The following NUAK1 variants were observed in gnomAD, a reference collection of about 807,000 sequenced individuals.
NUAK1 encodes NUAK family SNF1-like kinase 1.
In NUAK1, 26 loss-of-function variants were observed where a neutral mutation model predicts 56.9. The observed-to-expected ratio is 0.46, with a 90% CI of 0.33 to 0.63. The LOEUF is 0.63. Among genes scored for constraint, NUAK1 ranks in the 30% least tolerant of loss-of-function variants. The probability of loss-of-function intolerance (pLI) is 0.02; values close to 1 mark genes in which losing one functional copy is unlikely to be tolerated. For synonymous variants in NUAK1, 337 were observed against 336.0 expected, an observed-to-expected ratio of 1.00 and a Z score of -0.03; for missense variants, 727 against 876.1, an observed-to-expected ratio of 0.83 and a Z score of 2.15.
intron 2 of NUAK1, among the ~76,000 whole-genome samples, chr12:106,102,729 G>A (rs2032761611): frequency 6.6e-6 from 1 of 152,122 alleles, no homozygotes; most frequent in African/African-American, 2.4e-5. Flanking sequence ...GAGCTAGAAT[G>A]GTCATCCCCA....
intron 1 of NUAK1, among the ~76,000 whole-genome samples, chr12:106,133,636 G>A (rs2033101997): frequency 6.6e-6 from 1 of 152,168 alleles, no homozygotes; most frequent in South Asian, 2.1e-4. Flanking sequence ...TTAAGTGAGG[G>A]AAAATGTCTC....
At position 106,087,052 on chromosome 12, in the gene NUAK1, G is replaced by C. The variant is rs564947795; in HGVS notation, c.362-167C>G. 7 of 699,086 alleles carry C rather than the reference G, an allele frequency of 1.0e-5. No homozygotes were observed. The East Asian group carries it at 2.0e-4, about 20-fold the overall frequency. 43.3% of individuals were successfully genotyped at this position (699,086 alleles called of 1,614,324 possible). The stretch of plus-strand genomic sequence containing the variant: ...AGCATCACGAGGCGTGGGGCGTGCT[G>C]TCCCGCCAGGTGGAAAATGGTGTGT... On this transcript the variant is annotated intron_variant, in intron 2 of 6. Transcript: ENST00000261402.
At chr12:106,135,905 T>C (rs1444225460) in intron 1 of NUAK1, among the ~76,000 whole-genome samples, 4 of 152,214 alleles carry the variant, frequency 2.6e-5, no homozygotes, top group Non-Finnish European at 5.9e-5. Context: ...GAACAACTCG[T>C]TGACCAATTT....
intron 1 of NUAK1, among the ~76,000 whole-genome samples, chr12:106,107,317 C>T (rs1313317791): frequency 1.3e-5 from 2 of 152,000 alleles, no homozygotes; most frequent in African/African-American, 2.4e-5. Flanking sequence ...CAATAGGAAC[C>T]TAATAAGGAA....
chr12:106,075,340 TC>T (rs1469681285), intron 4 of NUAK1, among the ~76,000 whole-genome samples: 2 of 133,692 alleles, frequency 1.5e-5, no homozygotes, highest in African/African-American at 5.6e-5. Flanking sequence ...GAGAGCGTTC[TC>T]AGATCTTGAG....
At chr12:106,095,597 C>G (rs937615906) in intron 2 of NUAK1, among the ~76,000 whole-genome samples, 2 of 152,174 alleles carry the variant, frequency 1.3e-5, no homozygotes, top group Non-Finnish European at 2.9e-5. Flanking sequence ...AGCAAGTGTA[C>G]GCAGAAGTGT....
At chr12:106,095,742 A>G (rs1309803398) in intron 2 of NUAK1, among the ~76,000 whole-genome samples, 1 of 152,224 alleles carries the variant, frequency 6.6e-6, no homozygotes, top group Non-Finnish European at 1.5e-5. Context: ...TTGGAGGTGA[A>G]GGAATGGCAG....
intron 3 of NUAK1, 106 bp from the exon 4 acceptor site, chr12:106,084,035 A>C: frequency 1.0e-6 from 1 of 965,194 alleles, no homozygotes; most frequent in Non-Finnish European, 1.7e-6. Context: ...TGACAGATTA[A>C]AGAAATGCAC....
rs997248033 is a variant in NUAK1 at position 106,064,357 on chromosome 12, C to T, written c.*2445G>A. ...CCAGCTAATTCATCCCTCCAGCCCT[C>T]ACTGGAAGGAAAACTTAACCCCTGC... On this transcript the variant is annotated 3_prime_UTR_variant, in exon 7 of 7. Transcript: ENST00000261402. The T allele has an allele frequency of 6.6e-6, 1 of 152,232 alleles. No homozygotes were observed. Among genetic ancestry groups the T allele is most frequent in the Non-Finnish European group, 1.5e-5 (1 of 68,068 alleles). The allele number at this position is 152,232 out of a possible 1,614,324, so 9.4% of individuals were successfully genotyped here. A position where few individuals can be genotyped will look rare whatever the true frequency, so the allele number is the denominator to read the frequency against.
Position 106,066,992 on chromosome 12 carries a change from C to T in NUAK1, c.1796G>A (p.Arg599His), listed in dbSNP as rs762178790. ...GAAGTTTTCTGCAGAGACGCAGCTG[C>T]GGATGCGCTGGCGGGCAGGGCGATT... is the stretch of plus-strand genomic sequence containing the variant. Reference protein sequence around the residue: ...QENRPARQRIRSCVSAENFLQ... With the variant: ...QENRPARQRIHSCVSAENFLQ... Residue 599 changes from arginine to histidine, a missense_variant, in exon 7 of 7, where the codon CGC (arginine) becomes CAC (histidine). Arg to His is a conservative substitution (Grantham distance 29). Coordinates refer to ENST00000261402, the MANE Select transcript of NUAK1 (RefSeq NM_014840.3). 25 of 1,614,106 alleles carry T rather than the reference C, an allele frequency of 1.5e-5. No individual in the cohort carries two copies. In the Admixed American group the frequency reaches 2.0e-4, roughly 13 times the overall value.
At chr12:106,093,613 C>A (rs2032659385) in intron 2 of NUAK1, among the ~76,000 whole-genome samples, 1 of 152,154 alleles carries the variant, frequency 6.6e-6, no homozygotes, top group South Asian at 2.1e-4. Context: ...GTGAGGAGAT[C>A]CTGGGATTTT....
chr12:106,122,773 C>T (rs1215601), intron 1 of NUAK1, among the ~76,000 whole-genome samples: 87,914 of 151,984 alleles, frequency 0.58, 25,577 homozygotes, highest in African/African-American at 0.63. Context: ...CGGGTGTCCC[C>T]AAGTCCCACT....
chr12:106,088,824 T>C (rs2032602510), intron 2 of NUAK1, among the ~76,000 whole-genome samples: 1 of 152,218 alleles, frequency 6.6e-6, no homozygotes, highest in Non-Finnish European at 1.5e-5. Context: ...GAACCTACCC[T>C]AGGCCTGGGT....
At chr12:106,069,201 T>G (rs2032378226) in intron 6 of NUAK1, among the ~76,000 whole-genome samples, 1 of 152,338 alleles carries the variant, frequency 6.6e-6, no homozygotes, top group African/African-American at 2.4e-5. Context: ...TATTCGCAGC[T>G]CTTTTGCAGT....
At chr12:106,136,416 TAC>T (rs1323215938) in intron 1 of NUAK1, among the ~76,000 whole-genome samples, 3 of 152,098 alleles carry the variant, frequency 2.0e-5, no homozygotes, top group African/African-American at 7.2e-5. Context: ...TTTCTGCAAA[TAC>T]AGAGAAAGAC....
chr12:106,122,834 G>A (rs61940219), intron 1 of NUAK1, among the ~76,000 whole-genome samples: 32 of 152,156 alleles, frequency 2.1e-4, no homozygotes, highest in Non-Finnish European at 3.8e-4. Flanking sequence ...GCCAAGGATG[G>A]TATATTTTAA....
At chr12:106,109,555 GAAAAAAAA>G (rs5800702) in intron 1 of NUAK1, among the ~76,000 whole-genome samples, 17 of 123,518 alleles carry the variant, frequency 1.4e-4, no homozygotes, top group African/African-American at 3.1e-4. Flanking sequence ...GGTTGTTAAG[GAAAAAAAA>G]AAAAAAAAAA....
chr12:106,115,152 G>A (rs2032903119), intron 1 of NUAK1, among the ~76,000 whole-genome samples: 1 of 152,124 alleles, frequency 6.6e-6, no homozygotes, highest in African/African-American at 2.4e-5. Flanking sequence ...AATGAGCTAG[G>A]AACACAAAAA....
At chr12:106,083,535 C>T (rs78441898) in intron 4 of NUAK1, among the ~76,000 whole-genome samples, 3,130 of 152,226 alleles carry the variant, frequency 0.021, 107 homozygotes, top group African/African-American at 0.072. Context: ...ATATAAAATA[C>T]ATATGAAATA....
Sources: gnomAD v4.1 joint callset for allele counts (sites outside exome capture counted in the v4.1 genomes callset) on GRCh38, gnomAD v4.1.1 for gene constraint, MANE v1.5 for transcripts, NCBI Gene and HGNC (gene_info 2026-07-23, HGNC 2026-07-21) for gene names.